Variants in MIPOL1 observed in about 807,000 individuals in gnomAD.
MIPOL1 encodes the protein mirror-image polydactyly gene 1 protein.
MIPOL1 carries 57 observed loss-of-function variants against 60.9 expected under a neutral mutation model. The observed-to-expected ratio is 0.94, with a 90% CI of 0.76 to 1.17. The LOEUF (loss-of-function observed/expected upper bound fraction) is 1.17, where lower values mean the gene tolerates loss of function less well. MIPOL1 is among the 50% of genes most tolerant of loss of function. MIPOL1 has a pLI of 0.00. For synonymous variants in MIPOL1, 179 were observed against 168.8 expected, an observed-to-expected ratio of 1.06 and a Z score of -0.47; for missense variants, 551 against 511.6, an observed-to-expected ratio of 1.08 and a Z score of -0.74.
rs2153355074 is a variant in MIPOL1 at position 37,247,195 on chromosome 14, G to A, written c.-106G>A. The A allele has an allele frequency of 6.6e-6, 1 of 152,464 alleles. No homozygotes were observed. Among genetic ancestry groups the A allele is most frequent in the East Asian group, 1.9e-4 (1 of 5,174 alleles). 9.4% of individuals were successfully genotyped at this position (152,464 alleles called of 1,614,324 possible). A position where few individuals can be genotyped will look rare whatever the true frequency, so the allele number is the denominator to read the frequency against. On this transcript the variant is annotated 5_prime_UTR_variant, in exon 2 of 13. Coordinates refer to ENST00000684589, the MANE Select transcript of MIPOL1 (RefSeq NM_001388067.1). Reference sequence around the variant, plus strand: ...ATTGGAAAAGGAGAAGCTTACTACAGCTTTATTTGAGGACTTTTTAAAGAA... The same window carrying A: ...ATTGGAAAAGGAGAAGCTTACTACAACTTTATTTGAGGACTTTTTAAAGAA...
rs377359058 is a variant in MIPOL1 at position 37,361,625 on chromosome 14, T to C, written c.829-7892T>C. Among the ~76,000 whole-genome samples, 644 of 139,114 alleles carry C rather than the reference T, an allele frequency of 4.6e-3. 12 individuals carry two copies. Among genetic ancestry groups the C allele is most frequent in the Middle Eastern group, 0.043 (12 of 278 alleles). 91.3% of individuals were successfully genotyped at this position (139,114 alleles called of 152,430 possible). ...CCCTCTCTCTCTTTTTTTTTTTTTT[T>C]TTTTTTTTTTTTGCCTCTCTCGCAG... is the stretch of plus-strand genomic sequence containing the variant. On this transcript the variant is annotated intron_variant, in intron 9 of 12. Coordinates refer to ENST00000684589, the MANE Select transcript of MIPOL1 (RefSeq NM_001388067.1).
chr14:37,220,336 T>C (rs528486014), intron 1 of MIPOL1, among the ~76,000 whole-genome samples: 1 of 152,364 alleles, frequency 6.6e-6, no homozygotes, highest in Admixed American at 6.5e-5. Context: ...AAATTCCTTC[T>C]TTTTAATGAA....
At chr14:37,323,048 C>A (rs1166753171) in intron 9 of MIPOL1, among the ~76,000 whole-genome samples, 1 of 152,038 alleles carries the variant, frequency 6.6e-6, no homozygotes, top group East Asian at 1.9e-4. Context: ...GAAGTCTTTG[C>A]CCATACCTAT....
rs765323171 is a variant in MIPOL1 at position 37,470,424 on chromosome 14, C to G, written c.1032-29484C>G. ...ATTGGATCATGGGGACGGATTTCCC[C>G]CTTGCTGTTCTCGTAATAGTGAGTT... is the stretch of plus-strand genomic sequence containing the variant. On this transcript the variant is annotated intron_variant, in intron 11 of 12. Transcript: ENST00000684589. 2.6e-5 allele frequency among the ~76,000 whole-genome samples: 4 copies of G among 151,652 alleles called. 1 individual carries two copies. Among genetic ancestry groups the G allele is most frequent in the Middle Eastern group, 6.8e-3 (2 of 294 alleles).
Position 37,268,528 on chromosome 14 carries a change from G to A in MIPOL1, c.252-130G>A, listed in dbSNP as rs563084776. On this transcript the variant is annotated intron_variant, in intron 4 of 12. Coordinates refer to ENST00000684589, the MANE Select transcript of MIPOL1 (RefSeq NM_001388067.1). The stretch of plus-strand genomic sequence containing the variant: ...TTAATATAAGGCCTTCAAAAAAACA[G>A]CCCATCTCTTTTCCTTTCCCTTCCT... 3.5e-5 allele frequency: 23 copies of A among 662,942 alleles called. No homozygotes were observed. The South Asian group carries it at 4.4e-4, about 13-fold the overall frequency. 41.1% of individuals were successfully genotyped at this position (662,942 alleles called of 1,614,324 possible).
At chr14:37,428,278 C>A (rs1412000814) in intron 11 of MIPOL1, among the ~76,000 whole-genome samples, 1 of 152,134 alleles carries the variant, frequency 6.6e-6, no homozygotes, top group African/African-American at 2.4e-5. Flanking sequence ...ATGATGATGG[C>A]TTTCATTCTA....
intron 10 of MIPOL1, among the ~76,000 whole-genome samples, chr14:37,416,677 G>C (rs1324770346): frequency 1.3e-5 from 2 of 152,112 alleles, no homozygotes; most frequent in Admixed American, 6.5e-5. Flanking sequence ...AAAATTACAT[G>C]ATCTATGACA....
chr14:37,246,552 A>T (rs1381157910), intron 1 of MIPOL1, among the ~76,000 whole-genome samples: 1 of 152,150 alleles, frequency 6.6e-6, no homozygotes, highest in African/African-American at 2.4e-5. Context: ...ATTTTACTAC[A>T]TCAGTCTTAC....
intron 11 of MIPOL1, among the ~76,000 whole-genome samples, chr14:37,489,737 A>T (rs1407241606): frequency 6.6e-6 from 1 of 152,082 alleles, no homozygotes; most frequent in Non-Finnish European, 1.5e-5. Flanking sequence ...AGTTTGCTGG[A>T]GGTCCACTCT....
chr14:37,275,610 A>AT (rs2083595027), intron 6 of MIPOL1, among the ~76,000 whole-genome samples: 1 of 150,896 alleles, frequency 6.6e-6, no homozygotes, highest in African/African-American at 2.4e-5. Context: ...TGTTTCTTTA[A>AT]TTTTTGTTAT....
At chr14:37,457,013 C>A (rs1039973457) in intron 11 of MIPOL1, among the ~76,000 whole-genome samples, 2 of 151,996 alleles carry the variant, frequency 1.3e-5, no homozygotes, top group Non-Finnish European at 2.9e-5. Context: ...GGACATATTG[C>A]AGCAATATAT....
At chr14:37,375,193 AATAATTATTTTCATTATTATT>A (rs2092741300) in intron 10 of MIPOL1, among the ~76,000 whole-genome samples, 1 of 151,756 alleles carries the variant, frequency 6.6e-6, no homozygotes, top group African/African-American at 2.4e-5. Context: ...TACCCTTTTT[AATAATTATTTTCATTATTATT>A]ATAATTTTTT....
chr14:37,448,070 C>G (rs2153572275), intron 11 of MIPOL1, among the ~76,000 whole-genome samples: 1 of 152,222 alleles, frequency 6.6e-6, no homozygotes, highest in African/African-American at 2.4e-5. Flanking sequence ...TGGATATGCT[C>G]TTAAATTAAA....
intron 9 of MIPOL1, among the ~76,000 whole-genome samples, chr14:37,313,303 AT>A (rs1261312929): frequency 2.0e-5 from 3 of 152,128 alleles, no homozygotes; most frequent in Non-Finnish European, 4.4e-5. Flanking sequence ...GGCTGACTTT[AT>A]TGGGAGATAC....
intron 9 of MIPOL1, among the ~76,000 whole-genome samples, chr14:37,363,602 G>A (rs1321168093): frequency 6.6e-6 from 1 of 152,214 alleles, no homozygotes; most frequent in African/African-American, 2.4e-5. Context: ...ACCTACTTGA[G>A]GAGGCAGTCT....
intron 12 of MIPOL1, chr14:37,505,361 T>A (rs571358139): frequency 2.0e-5 from 3 of 152,314 alleles, no homozygotes; most frequent in Non-Finnish European, 4.4e-5. Context: ...CTCAATAAAA[T>A]ACTGGCAACC....
intron 3 of MIPOL1, 26 bp from the exon 4 acceptor site, chr14:37,266,910 CAT>C (rs757688182): frequency 1.4e-6 from 2 of 1,430,224 alleles, no homozygotes; most frequent in East Asian, 2.4e-5. Context: ...TTTAATATAT[CAT>C]GTGTTATTTG....
chr14:37,325,849 G>A (rs986323007), intron 9 of MIPOL1, among the ~76,000 whole-genome samples: 12 of 152,154 alleles, frequency 7.9e-5, no homozygotes, highest in African/African-American at 2.7e-4. Flanking sequence ...AGGCAGTATA[G>A]CAGCCTCCTT....
intron 9 of MIPOL1, among the ~76,000 whole-genome samples, chr14:37,314,205 TA>T (rs552523593): frequency 8.5e-5 from 13 of 152,312 alleles, no homozygotes; most frequent in East Asian, 1.9e-4. Flanking sequence ...TTTAGTGGCT[TA>T]TTTTTTTTAT....
Sources: gnomAD v4.1 joint callset for allele counts (sites outside exome capture counted in the v4.1 genomes callset) on GRCh38, gnomAD v4.1.1 for gene constraint, MANE v1.5 for transcripts, NCBI Gene and HGNC (gene_info 2026-07-23, HGNC 2026-07-21) for gene names.